The following CDKAL1 variants were observed in gnomAD, a reference collection of about 807,000 sequenced individuals.
CDKAL1 encodes the protein threonylcarbamoyladenosine tRNA methylthiotransferase.
A neutral mutation model predicts 68.2 loss-of-function variants in CDKAL1; 32 were observed. The ratio of observed to expected loss-of-function variants is 0.47; its 90% CI spans 0.35 to 0.63. The LOEUF is 0.63. Among genes scored for constraint, CDKAL1 ranks in the 30% least tolerant of loss-of-function variants. The probability of loss-of-function intolerance (pLI) is 0.00; values close to 1 mark genes in which losing one functional copy is unlikely to be tolerated. For missense variants in CDKAL1, 606 were observed against 696.7 expected, an observed-to-expected ratio of 0.87 and a Z score of 1.47; for synonymous variants, 234 against 244.3, an observed-to-expected ratio of 0.96 and a Z score of 0.39.
intron 10 of CDKAL1, among the ~76,000 whole-genome samples, chr6:20,992,419 A>G (rs139416835): frequency 0.014 from 2,128 of 152,066 alleles, 40 homozygotes; most frequent in South Asian, 0.057. Flanking sequence ...AAGATCTTAT[A>G]TGTACCAGCT....
At chr6:20,560,031 A>C (rs1247012166) in intron 4 of CDKAL1, among the ~76,000 whole-genome samples, 12 of 152,190 alleles carry the variant, frequency 7.9e-5, no homozygotes. Context: ...TTGAACATGT[A>C]GTGTTGGCTC....
At chr6:20,753,656 G>A (rs2819993) in intron 6 of CDKAL1, among the ~76,000 whole-genome samples, 83,453 of 151,950 alleles carry the variant, frequency 0.55, 23,106 homozygotes, top group Middle Eastern at 0.6. Flanking sequence ...GCTGTATTTC[G>A]TTGTATGCAT....
chr6:20,806,593 T>C lies in CDKAL1; in HGVS notation c.638+25328T>C, dbSNP rs149257403. On this transcript the variant is annotated intron_variant, in intron 8 of 15. Coordinates refer to ENST00000274695, the MANE Select transcript of CDKAL1 (RefSeq NM_017774.3). ...TGAGCTGATTTAATTCCCACCAGCA[T>C]GTTTAAGTGTTCTCTTTTCTCCACA... 1.8e-3 allele frequency among the ~76,000 whole-genome samples: 267 copies of C among 152,274 alleles called. 2 individuals are homozygous for C. The highest frequency in any genetic ancestry group is 6.2e-3 in the African/African-American group (256 of 41,558).
At chr6:21,093,694 CTTTTTTTTT>C (rs547923386) in intron 12 of CDKAL1, among the ~76,000 whole-genome samples, 197 of 87,904 alleles carry the variant, frequency 2.2e-3, no homozygotes, top group Middle Eastern at 8.3e-3. Context: ...GCTGCTGCTG[CTTTTTTTTT>C]TTTTTTTTTT....
At chr6:20,616,839 C>CACACACACA (rs1766928603) in intron 4 of CDKAL1, among the ~76,000 whole-genome samples, 1 of 121,394 alleles carries the variant, frequency 8.2e-6, no homozygotes, top group South Asian at 2.9e-4. Flanking sequence ...CCCGACTCTA[C>CACACACACA]CACACACACA....
intron 5 of CDKAL1, among the ~76,000 whole-genome samples, chr6:20,734,971 G>A (rs150596829): frequency 0.013 from 1,877 of 141,550 alleles, 32 homozygotes; most frequent in South Asian, 0.052. Context: ...CCTGGTTCAA[G>A]CAATTCCCTG....
chr6:20,692,466 TA>T (rs1449958238), intron 5 of CDKAL1, among the ~76,000 whole-genome samples: 1 of 152,202 alleles, frequency 6.6e-6, no homozygotes, highest in Non-Finnish European at 1.5e-5. Flanking sequence ...GCTTTGACAA[TA>T]ATGTTTAAAA....
chr6:20,657,908 C>T (rs889722186), intron 5 of CDKAL1, among the ~76,000 whole-genome samples: 1 of 152,142 alleles, frequency 6.6e-6, no homozygotes, highest in East Asian at 1.9e-4. Context: ...TGGCAGCCTG[C>T]TGGATGCATA....
chr6:20,969,360 A>G (rs1765480035), intron 10 of CDKAL1, among the ~76,000 whole-genome samples: 1 of 152,194 alleles, frequency 6.6e-6, no homozygotes, highest in South Asian at 2.1e-4. Flanking sequence ...TATATTTACT[A>G]TTCATTAAGT....
chr6:20,655,938 A>T (rs1769006127), intron 5 of CDKAL1, among the ~76,000 whole-genome samples: 1 of 152,186 alleles, frequency 6.6e-6, no homozygotes, highest in African/African-American at 2.4e-5. Flanking sequence ...CTTGAGCTTT[A>T]TTGAGTGTCT....
chr6:20,758,094 TGTATTTCA>T (rs1480622538), intron 6 of CDKAL1, among the ~76,000 whole-genome samples: 1 of 151,880 alleles, frequency 6.6e-6, no homozygotes, highest in East Asian at 1.9e-4. Context: ...TATTTGACTT[TGTATTTCA>T]TGGACCTGAG....
At chr6:21,016,863 T>A (rs991781856) in intron 11 of CDKAL1, among the ~76,000 whole-genome samples, 4 of 152,186 alleles carry the variant, frequency 2.6e-5, no homozygotes, top group Non-Finnish European at 4.4e-5. Context: ...TGGGACATTC[T>A]CTTGAATTGT....
At chr6:21,163,566 A>G (rs1437283984) in intron 13 of CDKAL1, among the ~76,000 whole-genome samples, 3 of 152,190 alleles carry the variant, frequency 2.0e-5, no homozygotes, top group Non-Finnish European at 2.9e-5. Context: ...CTTACTGTGG[A>G]GGCCTCTAAA....
At chr6:21,057,804 C>G (rs1277358914) in intron 11 of CDKAL1, among the ~76,000 whole-genome samples, 1 of 152,166 alleles carries the variant, frequency 6.6e-6, no homozygotes, top group Non-Finnish European at 1.5e-5. Context: ...TGTTCAGTTT[C>G]CATGTAGTTG....
intron 8 of CDKAL1, among the ~76,000 whole-genome samples, chr6:20,805,843 C>T (rs554652767): frequency 5.3e-5 from 8 of 152,212 alleles, no homozygotes; most frequent in South Asian, 4.1e-4. Context: ...TGATTGCAGC[C>T]GCTGAAGAAG....
chr6:20,651,795 T>A (rs1768782588), intron 5 of CDKAL1, among the ~76,000 whole-genome samples: 2 of 152,226 alleles, frequency 1.3e-5, no homozygotes, highest in South Asian at 4.1e-4. Flanking sequence ...AGACCTTTTC[T>A]GTATTGAGAA....
intron 4 of CDKAL1, chr6:20,599,264 T>G: frequency 2.6e-6 from 1 of 382,578 alleles, no homozygotes; most frequent in Non-Finnish European, 5.1e-6. Flanking sequence ...AGATATTAAG[T>G]AATAGATAAT....
intron 5 of CDKAL1, among the ~76,000 whole-genome samples, chr6:20,653,169 G>T (rs1415359737): frequency 1.3e-5 from 2 of 152,116 alleles, no homozygotes; most frequent in Non-Finnish European, 2.9e-5. Flanking sequence ...GGACATTCCT[G>T]CTATGACTAT....
At position 20,950,978 on chromosome 6, in the gene CDKAL1, A is replaced by G. The variant is rs141656568; in HGVS notation, c.743-4441A>G. Among the ~76,000 whole-genome samples the G allele has an allele frequency of 5.4e-3, 812 of 151,702 alleles. 9 individuals carry two copies. The highest frequency in any genetic ancestry group is 0.018 in the African/African-American group (750 of 41,364). ...GAGTGAAACAGTCTCAGAAAAAAAAAAAAAGAAAAGAAAAGAAAAGATGGA... is the reference window on the plus strand; with the variant it reads ...GAGTGAAACAGTCTCAGAAAAAAAAGAAAAGAAAAGAAAAGAAAAGATGGA... On this transcript the variant is annotated intron_variant, in intron 9 of 15. Transcript: ENST00000274695.
Sources: gnomAD v4.1 joint callset for allele counts (sites outside exome capture counted in the v4.1 genomes callset) on GRCh38, gnomAD v4.1.1 for gene constraint, MANE v1.5 for transcripts, NCBI Gene and HGNC (gene_info 2026-07-23, HGNC 2026-07-21) for gene names.